Variants in DNAJA4 observed in about 807,000 individuals in gnomAD.
The protein encoded by DNAJA4 is DnaJ heat shock protein family (Hsp40) member A4.
A neutral mutation model predicts 39.7 loss-of-function variants in DNAJA4; 32 were observed. That is an observed-to-expected ratio of 0.81 (90% CI 0.61 to 1.08). DNAJA4 has a LOEUF of 1.08. DNAJA4 is among the 50% of genes least tolerant of loss of function. DNAJA4 has a pLI of 0.00. For synonymous variants in DNAJA4, 184 were observed against 182.4 expected (o/e 1.01, Z -0.07); for missense variants, 439 against 505.1 (o/e 0.87, Z 1.25).
rs2049651875 is a variant in DNAJA4 at position 78,281,416 on chromosome 15, C to T, written c.*956C>T. 1 of 152,196 alleles carries T rather than the reference C, an allele frequency of 6.6e-6. No individual in the cohort carries two copies. The highest frequency in any genetic ancestry group is 6.5e-5 in the Admixed American group (1 of 15,292). The allele number at this position is 152,196 out of a possible 1,614,324, so 9.4% of individuals were successfully genotyped here. A position where few individuals can be genotyped will look rare whatever the true frequency, so the allele number is the denominator to read the frequency against. ...TAGAACTCCCCAGTGTTTTCCACCTCATTCTCCCAGATTGAGCTCCCTTCC... is the reference window on the plus strand; with the variant it reads ...TAGAACTCCCCAGTGTTTTCCACCTTATTCTCCCAGATTGAGCTCCCTTCC... On this transcript the variant is annotated 3_prime_UTR_variant, in exon 7 of 7. Transcript: ENST00000394852.
chr15:78,275,415 G>A, intron 4 of DNAJA4, 83 bp from the exon 5 acceptor site: 1 of 1,131,664 alleles, frequency 8.8e-7, no homozygotes, highest in Non-Finnish European at 1.3e-6. Context: ...AATCCCTGAA[G>A]GACTCTGTTC....
chr15:78,264,438 G>T (rs942860314), upstream of DNAJA4: 7 of 1,331,764 alleles, frequency 5.3e-6, no homozygotes, highest in African/African-American at 1.1e-4. Flanking sequence ...GGTCTGGGCC[G>T]CGAACCCGCC....
intron 1 of DNAJA4, chr15:78,265,341 A>G: frequency 1.6e-6 from 1 of 624,952 alleles, no homozygotes; most frequent in Admixed American, 2.6e-5. Context: ...CCTAGGGATG[A>G]GTGTCTTTAA....
chr15:78,277,922 GTTTTGT>G (rs923724675), intron 5 of DNAJA4: 5 of 388,032 alleles, frequency 1.3e-5, no homozygotes, highest in African/African-American at 2.1e-5. Flanking sequence ...TGTCCTTTTT[GTTTTGT>G]TTTTGTTTTT....
At chr15:78,264,536 C>G (rs547451700), upstream of DNAJA4, 1,311 of 1,231,130 alleles carry the variant, frequency 1.1e-3, 15 homozygotes, top group African/African-American at 0.019. Flanking sequence ...CCGAATAAAA[C>G]CCGCCGCGGA....
At chr15:78,265,101 C>G (rs1286425946) in intron 1 of DNAJA4, among the ~76,000 whole-genome samples, 1 of 152,216 alleles carries the variant, frequency 6.6e-6, no homozygotes, top group Non-Finnish European at 1.5e-5. Context: ...GCGGAGGAGG[C>G]ATGTGGTGCG....
intron 1 of DNAJA4, among the ~76,000 whole-genome samples, chr15:78,268,284 C>T (rs1331695859): frequency 1.3e-5 from 2 of 152,170 alleles, no homozygotes; most frequent in African/African-American, 4.8e-5. Flanking sequence ...GGCACCCAAT[C>T]CTTACACTCT....
At chr15:78,264,276 C>G (rs1210918497), upstream of DNAJA4, 2 of 1,325,920 alleles carry the variant, frequency 1.5e-6, no homozygotes, top group Non-Finnish European at 1.9e-6. Context: ...TGTCGGAGGG[C>G]GCCCTCCAGG....
chr15:78,264,959 A>G, intron 1 of DNAJA4, 64 bp downstream of exon 1: 2 of 1,457,064 alleles, frequency 1.4e-6, no homozygotes, highest in South Asian at 2.6e-5. Context: ...AGCCAGGAGC[A>G]TTGAAGGCGA....
chr15:78,265,905 C>T (rs2049108728), intron 1 of DNAJA4: 3 of 593,876 alleles, frequency 5.1e-6, no homozygotes, highest in Admixed American at 6.0e-5. Flanking sequence ...ATCAAAATAC[C>T]TGTCTGTGTT....
At chr15:78,276,203 A>G (rs951105035) in intron 5 of DNAJA4, among the ~76,000 whole-genome samples, 2 of 152,252 alleles carry the variant, frequency 1.3e-5, no homozygotes, top group Non-Finnish European at 2.9e-5. Flanking sequence ...GTGTTTTTCT[A>G]TCAAGTGGTG....
At chr15:78,270,921 C>A (rs1184245539) in intron 2 of DNAJA4, among the ~76,000 whole-genome samples, 1 of 152,038 alleles carries the variant, frequency 6.6e-6, no homozygotes, top group Non-Finnish European at 1.5e-5. Context: ...AAAACTTAGC[C>A]AGGCATGGTG....
chr15:78,267,044 A>G (rs987680440), intron 1 of DNAJA4, among the ~76,000 whole-genome samples: 60 of 151,930 alleles, frequency 3.9e-4, no homozygotes, highest in African/African-American at 1.4e-3. Context: ...GAGAGAGCTC[A>G]TTCATTCATT....
In DNAJA4 at chr15:78,275,875, A is replaced by T. The variant is rs950329169; in HGVS notation, c.877+147A>T. The T allele has an allele frequency of 4.8e-6, 3 of 625,984 alleles. No homozygotes were observed. The African/African-American group carries it at 5.5e-5, about 12-fold the overall frequency. 38.8% of individuals were successfully genotyped at this position (625,984 alleles called of 1,614,324 possible). ...CTTTGTCCCTTGCATAAAATGGGTA[A>T]TGATCAAGCCACGTGTTTAGGGCAT... On this transcript the variant is annotated intron_variant, in intron 5 of 6. Coordinates refer to ENST00000394852, the MANE Select transcript of DNAJA4 (RefSeq NM_001130182.2).
intron 1 of DNAJA4, among the ~76,000 whole-genome samples, chr15:78,266,872 T>G (rs1340607334): frequency 6.6e-6 from 1 of 152,160 alleles, no homozygotes; most frequent in East Asian, 1.9e-4. Context: ...AAATGCACTT[T>G]AAAAAATTGT....
At chr15:78,272,097 G>A (rs2049314795) in intron 2 of DNAJA4, among the ~76,000 whole-genome samples, 1 of 152,122 alleles carries the variant, frequency 6.6e-6, no homozygotes, top group Admixed American at 6.5e-5. Context: ...GGTACTTTGG[G>A]AGGCCGAGGT....
chr15:78,270,895 A>G (rs1837721789), intron 2 of DNAJA4, among the ~76,000 whole-genome samples: 1 of 151,992 alleles, frequency 6.6e-6, no homozygotes, highest in Non-Finnish European at 1.5e-5. Context: ...CCCCATCTCA[A>G]AAAAAATAAA....
Position 78,280,512 on chromosome 15 carries a change from G to A in DNAJA4, c.*52G>A. ...CGGACTAGCACATGATGAATGTAAA[G>A]TTGGCACAATGAAAATGACATCGCT... On this transcript the variant is annotated 3_prime_UTR_variant, in exon 7 of 7. Coordinates refer to ENST00000394852, the MANE Select transcript of DNAJA4 (RefSeq NM_001130182.2). 6.8e-7 allele frequency: 1 copy of A among 1,467,898 alleles called. No individual in the cohort carries two copies. The highest frequency in any genetic ancestry group is 9.3e-7 in the Non-Finnish European group (1 of 1,079,328). 90.9% of individuals were successfully genotyped at this position (1,467,898 alleles called of 1,614,324 possible).
chr15:78,264,182 C>A, upstream of DNAJA4: 1 of 576,900 alleles, frequency 1.7e-6, no homozygotes, highest in Non-Finnish European at 2.7e-6. Flanking sequence ...GCCAACACAG[C>A]CCTCCAGGCC....
Sources: gnomAD v4.1 joint callset for allele counts (sites outside exome capture counted in the v4.1 genomes callset) on GRCh38, gnomAD v4.1.1 for gene constraint, MANE v1.5 for transcripts, NCBI Gene and HGNC (gene_info 2026-07-23, HGNC 2026-07-21) for gene names.